Variants in C11orf65 observed in about 807,000 individuals in gnomAD.
C11orf65 encodes the protein chromosome 11 open reading frame 65, also known as protein MFI.
A neutral mutation model predicts 35.3 loss-of-function variants in C11orf65; 38 were observed. That is an observed-to-expected ratio of 1.08 (90% CI 0.83 to 1.41). The LOEUF is 1.41. Among genes scored for constraint, C11orf65 ranks in the 40% most tolerant of loss-of-function variants. The pLI, the probability that C11orf65 is intolerant of heterozygous loss-of-function variation, is 0.00. For missense variants in C11orf65, 370 were observed against 367.1 expected (o/e 1.01, Z -0.06); for synonymous variants, 105 against 114.4 (o/e 0.92, Z 0.53).
chr11:108,449,492 A>T (rs1411481209), intron 2 of C11orf65, among the ~76,000 whole-genome samples: 1 of 152,008 alleles, frequency 6.6e-6, no homozygotes, highest in Non-Finnish European at 1.5e-5. Context: ...CATATCTACA[A>T]CCATCTGCTC....
At chr11:108,353,669 A>G in intron 2 of C11orf65, 1 of 947,532 alleles carries the variant, frequency 1.1e-6, no homozygotes, top group Non-Finnish European at 1.7e-6. Context: ...AACGTAGGTA[A>G]CATGTGGTTT....
chr11:108,391,747 C>A (rs79284208), intron 7 of C11orf65, among the ~76,000 whole-genome samples: 2 of 151,272 alleles, frequency 1.3e-5, no homozygotes, highest in African/African-American at 2.4e-5. Context: ...ACCACCACCC[C>A]CTCCCCCCAG....
At chr11:108,381,037 T>C (rs544536833), downstream of C11orf65, among the ~76,000 whole-genome samples, 72 of 152,340 alleles carry the variant, frequency 4.7e-4, no homozygotes, top group African/African-American at 1.7e-3. Context: ...GAATGTTAAA[T>C]TGGCCTGTTA....
In C11orf65 at chr11:108,386,958, G is replaced by A. The variant is rs149739571; in HGVS notation, c.732-983C>T. Among the ~76,000 whole-genome samples the A allele has an allele frequency of 5.5e-3, 836 of 151,974 alleles. 9 individuals carry two copies. The highest frequency in any genetic ancestry group is 0.019 in the African/African-American group (788 of 41,452). On this transcript the variant is annotated intron_variant, in intron 7 of 8. Coordinates refer to ENST00000393084, the MANE Select transcript of C11orf65 (RefSeq NM_152587.5). ...TAGCCAGGTGTGGTGATGCATGCCTGTAGTTTCAGCTACTCGGGAGGCTGA... is the reference window on the plus strand; with the variant it reads ...TAGCCAGGTGTGGTGATGCATGCCTATAGTTTCAGCTACTCGGGAGGCTGA...
chr11:108,383,262 A>G, intron 8 of C11orf65, 87 bp from the exon 9 acceptor site: 1 of 1,133,808 alleles, frequency 8.8e-7, no homozygotes, highest in Non-Finnish European at 1.2e-6. Context: ...TCTGTTCCAC[A>G]TTCCTTTTCA....
At chr11:108,419,436 G>A (rs1591514091) in intron 3 of C11orf65, among the ~76,000 whole-genome samples, 1 of 152,200 alleles carries the variant, frequency 6.6e-6, no homozygotes, top group East Asian at 1.9e-4. Flanking sequence ...AGTGGCTCAT[G>A]TCTGTAATCC....
chr11:108,390,695 A>C (rs1356557500), intron 7 of C11orf65, among the ~76,000 whole-genome samples: 2 of 152,122 alleles, frequency 1.3e-5, no homozygotes. Context: ...TAGGAAGAAA[A>C]GTAAAAGCAA....
intron 6 of C11orf65, chr11:108,309,080 A>C: frequency 7.0e-7 from 1 of 1,425,810 alleles, no homozygotes; most frequent in Non-Finnish European, 9.6e-7. Context: ...TCCTGGAGAA[A>C]GTATGAATGG....
At chr11:108,332,964 A>T (rs2136580224) in intron 3 of C11orf65, 1 of 1,556,044 alleles carries the variant, frequency 6.4e-7, no homozygotes, top group African/African-American at 1.4e-5. Flanking sequence ...GAGATATATT[A>T]GTTATAGAGC....
chr11:108,362,243 A>T (rs1410871874), intron 2 of C11orf65, among the ~76,000 whole-genome samples: 1 of 149,026 alleles, frequency 6.7e-6, no homozygotes, highest in Non-Finnish European at 1.5e-5. Context: ...TCAAAACCAC[A>T]ATGAGATACC....
intron 2 of C11orf65, among the ~76,000 whole-genome samples, chr11:108,344,297 GGT>G (rs1488783051): frequency 6.6e-6 from 1 of 152,126 alleles, no homozygotes; most frequent in East Asian, 1.9e-4. Flanking sequence ...CAGAGGAAAA[GGT>G]GTGTGAGCCG....
rs2084322492 is a variant in C11orf65, at chr11:108,313,177, C to G, written c.641-4106G>C. On this transcript the variant is annotated intron_variant, in intron 6 of 6. Coordinates refer to the C11orf65 transcript ENST00000525729. ...ATCCTTCTATTTGAGACTAATTCTT[C>G]CTGTGCTTTGTTTTTTTATCTGCTC... is the stretch of plus-strand genomic sequence containing the variant. Among the ~76,000 whole-genome samples the G allele has an allele frequency of 3.9e-5, 6 of 152,202 alleles. No individual in the cohort carries two copies. In the South Asian group the frequency reaches 1.2e-3, roughly 31 times the overall value.
intron 7 of C11orf65, among the ~76,000 whole-genome samples, chr11:108,391,948 C>T (rs2092172187): frequency 6.6e-6 from 1 of 151,796 alleles, no homozygotes; most frequent in African/African-American, 2.4e-5. Flanking sequence ...GAGGCGCTGT[C>T]TCACTATGTT....
At chr11:108,353,752 A>ATTCTT in intron 2 of C11orf65, 1 of 1,577,174 alleles carries the variant, frequency 6.3e-7, no homozygotes. Flanking sequence ...ACTTCACTGT[A>ATTCTT]TTCTTTACTT....
At chr11:108,425,289 G>GAT (rs1399834259) in intron 3 of C11orf65, among the ~76,000 whole-genome samples, 2 of 152,020 alleles carry the variant, frequency 1.3e-5, no homozygotes, top group Admixed American at 1.3e-4. Flanking sequence ...GAATCAAATA[G>GAT]ATACAATAAA....
chr11:108,390,046 C>T (rs891545374), intron 7 of C11orf65, among the ~76,000 whole-genome samples: 9 of 149,920 alleles, frequency 6.0e-5, no homozygotes, highest in African/African-American at 1.7e-4. Context: ...ATTTTTGAGA[C>T]GGAGTCTCGC....
intron 3 of C11orf65, among the ~76,000 whole-genome samples, chr11:108,427,491 A>G (rs988618331): frequency 7.9e-5 from 12 of 151,394 alleles, no homozygotes; most frequent in African/African-American, 2.2e-4. Context: ...AGGCCGAGAC[A>G]GGCGGATCAC....
intron 2 of C11orf65, among the ~76,000 whole-genome samples, chr11:108,359,492 C>T (rs544058949): frequency 2.6e-4 from 40 of 152,134 alleles, no homozygotes; most frequent in African/African-American, 9.6e-4. Context: ...ACAGAATATA[C>T]ATTTTTTTCA....
chr11:108,394,273 A>G (rs374728848), intron 6 of C11orf65, among the ~76,000 whole-genome samples: 2 of 152,216 alleles, frequency 1.3e-5, no homozygotes, highest in East Asian at 3.9e-4. Context: ...AGAAGTTAAA[A>G]TATCATTCAA....
Sources: allele counts gnomAD v4.1 joint callset (sites outside exome capture counted in the v4.1 genomes callset), GRCh38; gene constraint gnomAD v4.1.1; transcripts MANE v1.5; gene names NCBI Gene and HGNC (gene_info 2026-07-23, HGNC 2026-07-21).